Variants in CCM2L observed in about 807,000 individuals in gnomAD.
CCM2L encodes CCM2 like scaffold protein, also known as cerebral cavernous malformations 2 protein-like.
Under a neutral mutation model 54.1 loss-of-function variants are expected in CCM2L, and 36 were observed. The observed-to-expected ratio is 0.67, with a 90% CI of 0.51 to 0.88. The LOEUF is 0.88. CCM2L is among the 40% of genes least tolerant of loss of function. The pLI, the probability that CCM2L is intolerant of heterozygous loss-of-function variation, is 0.00. For synonymous variants in CCM2L, 351 were observed against 359.3 expected, an observed-to-expected ratio of 0.98 and a Z score of 0.26; for missense variants, 700 against 812.1, an observed-to-expected ratio of 0.86 and a Z score of 1.68.
intron 5 of CCM2L, among the ~76,000 whole-genome samples, chr20:32,022,113 CA>C (rs1463314418): frequency 6.6e-6 from 1 of 152,042 alleles, no homozygotes; most frequent in Non-Finnish European, 1.5e-5. Flanking sequence ...TTTGTAGTCT[CA>C]AAAAAGTTTT....
intron 8 of CCM2L, 135 bp downstream of exon 8, chr20:32,029,259 G>T: frequency 7.7e-7 from 1 of 1,292,128 alleles, no homozygotes. Flanking sequence ...ATGAGGTTAG[G>T]AGAGTAAACT....
At chr20:32,021,542 GCTA>G (rs1205017050) in intron 5 of CCM2L, among the ~76,000 whole-genome samples, 3 of 152,102 alleles carry the variant, frequency 2.0e-5, no homozygotes, top group African/African-American at 7.2e-5. Context: ...CTGTCATGCA[GCTA>G]CTCAGGAGGC....
At chr20:32,019,465 GC>G in intron 5 of CCM2L, 56 bp downstream of exon 5, 1 of 1,075,270 alleles carries the variant, frequency 9.3e-7, no homozygotes, top group South Asian at 2.2e-5. Context: ...CTGCTTCCCC[GC>G]CCCCACCTTG....
In CCM2L at chr20:32,031,432, C is replaced by T. The variant is rs1014020350; in HGVS notation, c.*118C>T. On this transcript the variant is annotated 3_prime_UTR_variant, in exon 10 of 10. Transcript: ENST00000452892. The stretch of plus-strand genomic sequence containing the variant: ...CTGGCGGGGCCGGGGGGTCTTCACT[C>T]CAGGGTCTCGCTCCCTGCCCTTGGG... 3.5e-6 allele frequency: 3 copies of T among 846,090 alleles called. No individual in the cohort carries two copies. The highest frequency in any genetic ancestry group is 1.8e-5 in the African/African-American group (1 of 55,590). 52.4% of individuals were successfully genotyped at this position (846,090 alleles called of 1,614,324 possible).
intron 6 of CCM2L, among the ~76,000 whole-genome samples, chr20:32,024,255 TTCTTTTCTTCAGAAGACCCTCGCA>T (rs1314159463): frequency 6.6e-6 from 1 of 152,216 alleles, no homozygotes; most frequent in Non-Finnish European, 1.5e-5. Context: ...AGAGTGCTCG[TTCTTTTCTTCAGAAGACCCTCGCA>T]TCTGTGGGAG....
chr20:32,030,241 T>C (rs1026138659), intron 9 of CCM2L, among the ~76,000 whole-genome samples: 3 of 152,186 alleles, frequency 2.0e-5, no homozygotes, highest in African/African-American at 7.2e-5. Context: ...GCAGTTACCC[T>C]GTGCCAAGCA....
chr20:32,020,853 G>A (rs759353127), intron 5 of CCM2L, among the ~76,000 whole-genome samples: 8 of 152,078 alleles, frequency 5.3e-5, no homozygotes, highest in Admixed American at 2.0e-4. Flanking sequence ...GCATAGCGGC[G>A]GGTGCCTGTA....
At position 32,025,883 on chromosome 20, in the gene CCM2L, A is replaced by T; in HGVS notation, c.1097A>T (p.Tyr366Phe). ...GAGAGCTGCCACACAGATGGGACGTATGCCTATGATGCCGACTTCAGCTGC... is the reference window on the plus strand; with the variant it reads ...GAGAGCTGCCACACAGATGGGACGTTTGCCTATGATGCCGACTTCAGCTGC... Reference protein sequence around the residue: ...RSESCHTDGTYAYDADFSCCS... With the variant: ...RSESCHTDGTFAYDADFSCCS... The change falls in exon 7 of 10, where the codon TAT becomes TTT. Residue 366 changes from tyrosine to phenylalanine, a missense_variant. Physicochemically the swap from Tyr to Phe is conservative, Grantham distance 22. Transcript: ENST00000452892. 7.7e-7 allele frequency: 1 copy of T among 1,304,180 alleles called. No individual in the cohort carries two copies. The highest frequency in any genetic ancestry group is 1.0e-6 in the Non-Finnish European group (1 of 988,944). The allele number at this position is 1,304,180 out of a possible 1,614,324, so 80.8% of individuals were successfully genotyped here. A position where few individuals can be genotyped will look rare whatever the true frequency, so the allele number is the denominator to read the frequency against.
At position 32,031,097 on chromosome 20, in the gene CCM2L, T is replaced by G. The variant is rs1000543428; in HGVS notation, c.1499T>G (p.Phe500Cys). ...GAGGGCGGCATCCTCACTGACAGCTTCGGCCGCATCAAGCGCAGCATGAGC... is the reference window on the plus strand; with the variant it reads ...GAGGGCGGCATCCTCACTGACAGCTGCGGCCGCATCAAGCGCAGCATGAGC... The part of the protein sequence containing the change: ...IREGGILTDS[F>C]GRIKRSMSST... Residue 500 changes from phenylalanine (F) to cysteine (C), a missense_variant, in exon 10 of 10, where the codon TTC becomes TGC. Coordinates refer to ENST00000452892, the MANE Select transcript of CCM2L (RefSeq NM_001365692.1). 26 of 1,304,112 alleles carry G rather than the reference T, an allele frequency of 2.0e-5. No homozygotes were observed. The highest frequency in any genetic ancestry group is 2.5e-5 in the Non-Finnish European group (25 of 988,950). 80.8% of individuals were successfully genotyped at this position (1,304,112 alleles called of 1,614,324 possible). A position where few individuals can be genotyped will look rare whatever the true frequency, so the allele number is the denominator to read the frequency against.
Position 32,017,995 on chromosome 20 carries a change from CGCTGAA to C in CCM2L, c.301_306del (p.Leu101_Lys102del). Reference sequence around the variant, plus strand: ...TCCCTGCAGCAGCTGAAGGAGCTGCCGCTGAAGACCACGGCGGAGCAGGACAGCATC... The same window carrying C: ...TCCCTGCAGCAGCTGAAGGAGCTGCCGACCACGGCGGAGCAGGACAGCATC... On this transcript the variant is annotated inframe_deletion, in exon 4 of 10. Coordinates refer to ENST00000452892, the MANE Select transcript of CCM2L (RefSeq NM_001365692.1). 6.2e-7 allele frequency: 1 copy of C among 1,613,728 alleles called. No homozygotes were observed. Among genetic ancestry groups the C allele is most frequent in the Non-Finnish European group, 8.5e-7 (1 of 1,179,926 alleles).
chr20:32,010,557 G>T, intron 1 of CCM2L, 73 bp downstream of exon 1: 3 of 1,106,586 alleles, frequency 2.7e-6, no homozygotes, highest in Admixed American at 2.1e-5. Flanking sequence ...AACTGGGGCG[G>T]GGTGGGGGGT....
Position 32,030,933 on chromosome 20 carries a change from A to T in CCM2L, c.1403-68A>T, listed in dbSNP as rs1391745900. ...GGGATTTGCACCCAGATCTGCAGAG[A>T]GGACGCTTCCCCTGTGGAAGGGAAA... On this transcript the variant is annotated intron_variant, in intron 9 of 9. Transcript: ENST00000452892. 6.3e-6 allele frequency: 8 copies of T among 1,260,132 alleles called. No individual in the cohort carries two copies. In the Admixed American group the frequency reaches 2.1e-4, roughly 33 times the overall value. The allele number at this position is 1,260,132 out of a possible 1,614,324, so 78.1% of individuals were successfully genotyped here.
chr20:32,029,843 G>A lies in CCM2L; in HGVS notation c.1402+5G>A. 2 of 1,593,342 alleles carry A rather than the reference G, an allele frequency of 1.3e-6. No homozygotes were observed. Among genetic ancestry groups the A allele is most frequent in the Non-Finnish European group, 1.7e-6 (2 of 1,167,692 alleles). ...GGCGCAAGTTCCTCCTCCTTGGTGA[G>A]CCCCCGCTGTACCCCCAGAGGTCAG... On this transcript the variant is annotated splice_donor_5th_base_variant and intron_variant, in intron 9 of 9. Coordinates refer to ENST00000452892, the MANE Select transcript of CCM2L (RefSeq NM_001365692.1).
rs916004064 is a variant in CCM2L at position 32,031,418 on chromosome 20, G to A, written c.*104G>A. Reference sequence around the variant, plus strand: ...CCCCCCCATCACACCTGGCGGGGCCGGGGGGTCTTCACTCCAGGGTCTCGC... The same window carrying A: ...CCCCCCCATCACACCTGGCGGGGCCAGGGGGTCTTCACTCCAGGGTCTCGC... On this transcript the variant is annotated 3_prime_UTR_variant, in exon 10 of 10. Coordinates refer to ENST00000452892, the MANE Select transcript of CCM2L (RefSeq NM_001365692.1). 2 of 981,444 alleles carry A rather than the reference G, an allele frequency of 2.0e-6. No homozygotes were observed. The highest frequency in any genetic ancestry group is 2.7e-6 in the Non-Finnish European group (2 of 753,074). The allele number at this position is 981,444 out of a possible 1,614,324, so 60.8% of individuals were successfully genotyped here.
At chr20:32,013,648 C>T (rs1351181790) in intron 1 of CCM2L, among the ~76,000 whole-genome samples, 1 of 151,882 alleles carries the variant, frequency 6.6e-6, no homozygotes, top group African/African-American at 2.4e-5. Context: ...GACAGTTTCA[C>T]CATGTTGTCA....
chr20:32,019,419 A>G lies in CCM2L; in HGVS notation c.933+10A>G. 1 of 1,503,238 alleles carries G rather than the reference A, an allele frequency of 6.7e-7. No homozygotes were observed. Among genetic ancestry groups the G allele is most frequent in the Non-Finnish European group, 8.8e-7 (1 of 1,131,990 alleles). 93.1% of individuals were successfully genotyped at this position (1,503,238 alleles called of 1,614,324 possible). A position where few individuals can be genotyped will look rare whatever the true frequency, so the allele number is the denominator to read the frequency against. On this transcript the variant is annotated intron_variant, in intron 5 of 9. Transcript: ENST00000452892. ...GGCTGTAGCCAACAGGGTGAGCCCG[A>G]GGGCAGCCTGCTCCCAAAGCCCGGC...
rs1287138453 is a variant in CCM2L, at chr20:32,018,959, G to A, written c.483G>A (p.Pro161=). The A allele has an allele frequency of 2.1e-6, 3 of 1,401,286 alleles. No homozygotes were observed. The highest frequency in any genetic ancestry group is 1.5e-5 in the African/African-American group (1 of 66,230). The allele number at this position is 1,401,286 out of a possible 1,614,324, so 86.8% of individuals were successfully genotyped here. ...CTCTCCTAGGTCTGGGTGTGGACCC[G>A]GTGCCGGCCGGCGTGGATGCCAGCC... is the stretch of plus-strand genomic sequence containing the variant. ...LVLKTGLGVD[P]VPAGVDASPG... is the part of the protein sequence containing the mutation. The change falls in exon 5 of 10, where the codon CCG becomes CCA. Residue 161 remains proline (P), a synonymous_variant. Coordinates refer to ENST00000452892, the MANE Select transcript of CCM2L (RefSeq NM_001365692.1).
In CCM2L at chr20:32,031,752, C is replaced by T. The variant is rs1328931025; in HGVS notation, c.*438C>T. On this transcript the variant is annotated 3_prime_UTR_variant, in exon 10 of 10. Coordinates refer to ENST00000452892, the MANE Select transcript of CCM2L (RefSeq NM_001365692.1). The stretch of plus-strand genomic sequence containing the variant: ...TTTTACAGATTGAGAAACTATGGTT[C>T]AAGAAGAGAGGACGGGGCTTGAGGG... 1 of 164,576 alleles carries T rather than the reference C, an allele frequency of 6.1e-6. No individual in the cohort carries two copies. Among genetic ancestry groups the T allele is most frequent in the East Asian group, 1.9e-4 (1 of 5,250 alleles). 10.2% of individuals were successfully genotyped at this position (164,576 alleles called of 1,614,324 possible).
chr20:32,018,370 G>A (rs2122331698), intron 4 of CCM2L, among the ~76,000 whole-genome samples: 1 of 152,306 alleles, frequency 6.6e-6, no homozygotes, highest in South Asian at 2.1e-4. Flanking sequence ...TGGGAAAGCA[G>A]ACAGGGCCTG....
Sources: gnomAD v4.1 joint callset for allele counts (sites outside exome capture counted in the v4.1 genomes callset) on GRCh38, gnomAD v4.1.1 for gene constraint, MANE v1.5 for transcripts, NCBI Gene and HGNC (gene_info 2026-07-23, HGNC 2026-07-21) for gene names.